ARL15: variants seen among roughly 807,000 people sequenced by gnomAD.
The protein encoded by ARL15 is ADP-ribosylation factor-like protein 15.
In ARL15, 19 loss-of-function variants were observed where a neutral mutation model predicts 25.2. The observed-to-expected ratio is 0.75, with a 90% CI of 0.53 to 1.10. The LOEUF (loss-of-function observed/expected upper bound fraction) is 1.10. Among genes scored for constraint, ARL15 ranks in the 50% least tolerant of loss-of-function variants. ARL15 has a pLI of 0.00. For synonymous variants in ARL15, 94 were observed against 86.8 expected (o/e 1.08, Z -0.46); for missense variants, 220 against 246.0 (o/e 0.89, Z 0.71).
chr5:54,082,532 T>C (rs1751835158), intron 4 of ARL15, among the ~76,000 whole-genome samples: 1 of 152,156 alleles, frequency 6.6e-6, no homozygotes, highest in South Asian at 2.1e-4. Context: ...CATGAAAAAG[T>C]ATCTCTTGTG....
At chr5:53,944,629 C>G (rs1168062897) in intron 4 of ARL15, among the ~76,000 whole-genome samples, 1 of 151,974 alleles carries the variant, frequency 6.6e-6, no homozygotes, top group East Asian at 1.9e-4. Context: ...AACAACAAAC[C>G]TGATCACCTA....
chr5:54,245,701 C>A (rs1288575503), intron 1 of ARL15, among the ~76,000 whole-genome samples: 3 of 152,084 alleles, frequency 2.0e-5, no homozygotes, highest in Admixed American at 2.0e-4. Flanking sequence ...GATTCTCCTG[C>A]CTCAGCCTCC....
chr5:54,286,870 T>TC (rs1184682699), intron 1 of ARL15, among the ~76,000 whole-genome samples: 1 of 150,874 alleles, frequency 6.6e-6, no homozygotes, highest in African/African-American at 2.4e-5. Context: ...GCAGGGCTTT[T>TC]TTTTTTTTTT....
chr5:54,240,610 C>T (rs1001386298), intron 1 of ARL15, among the ~76,000 whole-genome samples: 1 of 152,124 alleles, frequency 6.6e-6, no homozygotes, highest in African/African-American at 2.4e-5. Context: ...TTCTGGTTCA[C>T]CATCAAATCC....
chr5:53,907,481 T>C (rs1280657957), intron 4 of ARL15, among the ~76,000 whole-genome samples: 1 of 35,052 alleles, frequency 2.9e-5, no homozygotes, highest in African/African-American at 1.3e-4. Context: ...TATATATATA[T>C]ATATATATTT....
intron 1 of ARL15, among the ~76,000 whole-genome samples, chr5:54,181,163 C>G (rs1264161476): frequency 6.6e-6 from 1 of 152,066 alleles, no homozygotes; most frequent in Non-Finnish European, 1.5e-5. Flanking sequence ...GGAAATAGAT[C>G]AGAGGAATAG....
At chr5:54,071,979 G>GAAAAAAAAAAAAAAAAAAA (rs71989027) in intron 4 of ARL15, among the ~76,000 whole-genome samples, 7 of 126,170 alleles carry the variant, frequency 5.5e-5, no homozygotes, top group African/African-American at 9.2e-5. Flanking sequence ...CTCAAAAAAA[G>GAAAAAAAAAAAAAAAAAAA]AAAAAAAAAA....
chr5:54,132,440 T>C lies in ARL15; in HGVS notation c.254-19030A>G, dbSNP rs181020013. Among the ~76,000 whole-genome samples, 249 of 152,224 alleles carry C rather than the reference T, an allele frequency of 1.6e-3. 2 individuals carry two copies. The highest frequency in any genetic ancestry group is 8.1e-3 in the Admixed American group (124 of 15,282). ...GAAATCATTAACCCAAAATCTTTCA[T>C]GCAAAATTTCACTAAAAACAGTCAT... On this transcript the variant is annotated intron_variant, in intron 3 of 4. Coordinates refer to ENST00000504924, the MANE Select transcript of ARL15 (RefSeq NM_019087.3).
At chr5:53,972,041 G>T (rs983344627) in intron 4 of ARL15, among the ~76,000 whole-genome samples, 1 of 152,080 alleles carries the variant, frequency 6.6e-6, no homozygotes, top group African/African-American at 2.4e-5. Flanking sequence ...GATTTAAAAA[G>T]ATTATCCGTA....
intron 4 of ARL15, among the ~76,000 whole-genome samples, chr5:54,041,463 G>A (rs980105693): frequency 9.9e-4 from 151 of 152,286 alleles, no homozygotes; most frequent in African/African-American, 3.5e-3. Context: ...TGAACAGGAG[G>A]CAGGTGTGAC....
chr5:54,159,258 C>A lies in ARL15; in HGVS notation c.194-4619G>T, dbSNP rs548686417. Among the ~76,000 whole-genome samples, 18 of 152,178 alleles carry A rather than the reference C, an allele frequency of 1.2e-4. No individual in the cohort carries two copies. In the South Asian group the frequency reaches 3.5e-3, roughly 30 times the overall value. On this transcript the variant is annotated intron_variant, in intron 2 of 4. Transcript: ENST00000504924. ...ATTTTGTAGAAATAATTAATAAAAT[C>A]AGGAACTTAGGAGGGGAGGGAAAAA...
In ARL15 at chr5:53,952,099, C is replaced by A. The variant is rs532735194; in HGVS notation, c.463-65386G>T. On this transcript the variant is annotated intron_variant, in intron 4 of 4. Transcript: ENST00000504924. ...CCAAGATGGTGAAACCCTGTCTCTACTAAAAATAAAAAAAATAGCCAGGCA... is the reference window on the plus strand; with the variant it reads ...CCAAGATGGTGAAACCCTGTCTCTAATAAAAATAAAAAAAATAGCCAGGCA... Among the ~76,000 whole-genome samples, 1,320 of 151,634 alleles carry A rather than the reference C, an allele frequency of 8.7e-3. 5 individuals carry two copies. The highest frequency in any genetic ancestry group is 0.013 in the Admixed American group (195 of 15,238).
chr5:54,141,819 A>C (rs1466400291), intron 3 of ARL15, among the ~76,000 whole-genome samples: 1 of 152,174 alleles, frequency 6.6e-6, no homozygotes, highest in East Asian at 1.9e-4. Context: ...TCAGTAGGAG[A>C]ACACTATTTT....
chr5:54,022,109 C>T (rs1435629181), intron 4 of ARL15, among the ~76,000 whole-genome samples: 1 of 152,062 alleles, frequency 6.6e-6, no homozygotes, highest in Non-Finnish European at 1.5e-5. Context: ...GAGAATTTGT[C>T]ACTGGCAGAC....
intron 4 of ARL15, among the ~76,000 whole-genome samples, chr5:53,958,975 C>T (rs961646834): frequency 6.6e-6 from 1 of 152,036 alleles, no homozygotes; most frequent in African/African-American, 2.4e-5. Context: ...GACATCAATA[C>T]CTCACTTTCA....
At chr5:54,132,692 A>G (rs1345569650) in intron 3 of ARL15, among the ~76,000 whole-genome samples, 3 of 152,176 alleles carry the variant, frequency 2.0e-5, no homozygotes, top group Non-Finnish European at 2.9e-5. Flanking sequence ...ATGCTAAACA[A>G]GGGGTGGATT....
chr5:54,070,806 C>T (rs980763405), intron 4 of ARL15, among the ~76,000 whole-genome samples: 1 of 151,870 alleles, frequency 6.6e-6, no homozygotes, highest in African/African-American at 2.4e-5. Context: ...GATCACAGAG[C>T]CACTGCAATC....
At chr5:54,153,746 T>C (rs1346367763) in intron 3 of ARL15, among the ~76,000 whole-genome samples, 2 of 152,128 alleles carry the variant, frequency 1.3e-5, no homozygotes, top group African/African-American at 4.8e-5. Flanking sequence ...CAAACGCTAT[T>C]AAAATGGCGT....
intron 1 of ARL15, among the ~76,000 whole-genome samples, chr5:54,269,596 T>C (rs374662058): frequency 6.6e-6 from 1 of 152,218 alleles, no homozygotes; most frequent in South Asian, 2.1e-4. Context: ...CTTAATGAGA[T>C]GGATAGGTTA....
Sources: gnomAD v4.1 joint callset for allele counts (sites outside exome capture counted in the v4.1 genomes callset) on GRCh38, gnomAD v4.1.1 for gene constraint, MANE v1.5 for transcripts, NCBI Gene and HGNC (gene_info 2026-07-23, HGNC 2026-07-21) for gene names.